Variants in CDH19 observed in about 807,000 individuals in gnomAD.
The protein encoded by CDH19 is cadherin 19, also known as cadherin-19.
A neutral mutation model predicts 64.2 loss-of-function variants in CDH19; 67 were observed. That is an observed-to-expected ratio of 1.04 (90% CI 0.86 to 1.28). The LOEUF (loss-of-function observed/expected upper bound fraction) is 1.28. CDH19 is among the 50% of genes most tolerant of loss of function. CDH19 has a pLI of 0.00. For missense variants in CDH19, 1,030 were observed against 929.0 expected, an observed-to-expected ratio of 1.11 and a Z score of -1.41; for synonymous variants, 346 against 319.3, an observed-to-expected ratio of 1.08 and a Z score of -0.89.
chr18:66,602,800 G>A (rs1450752928), intron 1 of CDH19, among the ~76,000 whole-genome samples: 2 of 151,658 alleles, frequency 1.3e-5, no homozygotes, highest in Non-Finnish European at 3.0e-5. Flanking sequence ...ATAATGAAAT[G>A]CTTATTCCTT....
At chr18:66,513,435 T>A (rs1340900641) in intron 9 of CDH19, among the ~76,000 whole-genome samples, 1 of 151,632 alleles carries the variant, frequency 6.6e-6, no homozygotes, top group East Asian at 1.9e-4. Flanking sequence ...GCTTTCATAA[T>A]TACTTTATAA....
chr18:66,513,857 A>G (rs1435934069), intron 9 of CDH19, among the ~76,000 whole-genome samples: 1 of 151,448 alleles, frequency 6.6e-6, no homozygotes, highest in Non-Finnish European at 1.5e-5. Flanking sequence ...TCAGATTTTT[A>G]GTATTCTTTT....
At chr18:66,595,129 G>A (rs1057104371) in intron 1 of CDH19, among the ~76,000 whole-genome samples, 12 of 151,708 alleles carry the variant, frequency 7.9e-5, no homozygotes, top group Admixed American at 7.9e-4. Flanking sequence ...CAGAAAGGAA[G>A]AAGTTCTTTG....
intron 5 of CDH19, among the ~76,000 whole-genome samples, chr18:66,548,619 T>C (rs1987226686): frequency 6.6e-6 from 1 of 152,150 alleles, no homozygotes; most frequent in Non-Finnish European, 1.5e-5. Context: ...AATCAAGTGT[T>C]ATCAGAACTG....
At chr18:66,513,465 T>C (rs926819168) in intron 9 of CDH19, among the ~76,000 whole-genome samples, 1 of 151,442 alleles carries the variant, frequency 6.6e-6, no homozygotes, top group Non-Finnish European at 1.5e-5. Context: ...GACACAGACA[T>C]AAAATGAGTC....
chr18:66,526,418 C>G (rs562906461), intron 9 of CDH19, among the ~76,000 whole-genome samples: 28 of 152,232 alleles, frequency 1.8e-4, no homozygotes, highest in African/African-American at 6.7e-4. Flanking sequence ...TTTTACAGTA[C>G]ATTGCAATAA....
At chr18:66,511,756 TTAG>T (rs1985502099) in intron 9 of CDH19, 71 bp from the exon 10 acceptor site, 1 of 749,740 alleles carries the variant, frequency 1.3e-6, no homozygotes, top group African/African-American at 1.8e-5. Flanking sequence ...GCTATTATTA[TTAG>T]CTTTTATTCA....
chr18:66,567,431 T>C (rs566416008), intron 3 of CDH19, among the ~76,000 whole-genome samples: 1 of 151,706 alleles, frequency 6.6e-6, no homozygotes, highest in Non-Finnish European at 1.5e-5. Flanking sequence ...TAGAGTAATT[T>C]AAAGTGCTAT....
chr18:66,553,404 A>G (rs1479924261), intron 4 of CDH19, among the ~76,000 whole-genome samples: 1 of 134,158 alleles, frequency 7.5e-6, no homozygotes, highest in East Asian at 1.9e-4. Flanking sequence ...AAGGCCATGT[A>G]CATTCCTGAG....
At chr18:66,541,301 C>T (rs1343829198) in intron 7 of CDH19, among the ~76,000 whole-genome samples, 1 of 152,002 alleles carries the variant, frequency 6.6e-6, no homozygotes, top group Non-Finnish European at 1.5e-5. Flanking sequence ...TAGTGTTTCT[C>T]CCACAACAAT....
intron 1 of CDH19, among the ~76,000 whole-genome samples, chr18:66,581,374 C>T (rs1988416609): frequency 6.6e-6 from 1 of 151,886 alleles, no homozygotes; most frequent in Admixed American, 6.6e-5. Flanking sequence ...TAGGTGTCAA[C>T]TTGATTGGAT....
intron 9 of CDH19, among the ~76,000 whole-genome samples, chr18:66,515,616 A>G (rs1052430296): frequency 3.3e-5 from 5 of 151,858 alleles, no homozygotes; most frequent in African/African-American, 1.2e-4. Context: ...CATTATATTT[A>G]TTTAAATGTC....
intron 1 of CDH19, among the ~76,000 whole-genome samples, chr18:66,589,392 A>G (rs1182673687): frequency 6.6e-6 from 1 of 151,742 alleles, no homozygotes; most frequent in Non-Finnish European, 1.5e-5. Flanking sequence ...TGCTTTCATT[A>G]AGAAGATATA....
intron 1 of CDH19, among the ~76,000 whole-genome samples, chr18:66,585,805 C>T (rs575730890): frequency 6.6e-6 from 1 of 151,876 alleles, no homozygotes; most frequent in South Asian, 2.1e-4. Context: ...ATTTGAATGT[C>T]ATTATTTTTT....
intron 3 of CDH19, among the ~76,000 whole-genome samples, chr18:66,562,358 A>G (rs567512533): frequency 2.0e-5 from 3 of 151,974 alleles, no homozygotes; most frequent in Admixed American, 6.6e-5. Flanking sequence ...CATAAGGAAC[A>G]TGCAACCTAG....
At chr18:66,582,466 C>T (rs921283841) in intron 1 of CDH19, among the ~76,000 whole-genome samples, 3 of 151,168 alleles carry the variant, frequency 2.0e-5, no homozygotes, top group African/African-American at 4.9e-5. Context: ...TGAGTGGATA[C>T]AGTTTGCATA....
At chr18:66,589,209 T>C (rs1226913689) in intron 1 of CDH19, among the ~76,000 whole-genome samples, 3 of 150,866 alleles carry the variant, frequency 2.0e-5, no homozygotes, top group Non-Finnish European at 4.4e-5. Flanking sequence ...ACGTAAATTA[T>C]ATTTGACAAA....
At position 66,599,935 on chromosome 18, in the gene CDH19, A is replaced by G. The variant is rs546789550; in HGVS notation, c.-113+4019T>C. Among the ~76,000 whole-genome samples the G allele has an allele frequency of 3.3e-5, 5 of 152,080 alleles. No individual in the cohort carries two copies. In the East Asian group the frequency reaches 9.7e-4, roughly 29 times the overall value. On this transcript the variant is annotated intron_variant, in intron 1 of 11. Transcript: ENST00000262150. ...CAAGGGTTGTATGTAATGGGTTAAAAATATGTATCAACTTAAGGAAGGAAA... is the reference window on the plus strand; with the variant it reads ...CAAGGGTTGTATGTAATGGGTTAAAGATATGTATCAACTTAAGGAAGGAAA...
At chr18:66,528,976 T>C (rs1457367108) in intron 9 of CDH19, among the ~76,000 whole-genome samples, 1 of 152,126 alleles carries the variant, frequency 6.6e-6, no homozygotes, top group African/African-American at 2.4e-5. Flanking sequence ...CAGCTTATGG[T>C]ATTTAATAGT....
Sources: gnomAD v4.1 joint callset for allele counts (sites outside exome capture counted in the v4.1 genomes callset) on GRCh38, gnomAD v4.1.1 for gene constraint, MANE v1.5 for transcripts, NCBI Gene and HGNC (gene_info 2026-07-23, HGNC 2026-07-21) for gene names.